Variants in LY96 observed in about 807,000 individuals in gnomAD.
LY96 encodes the protein myeloid differentiation protein-2.
LY96 carries 18 observed loss-of-function variants against 18.9 expected under a neutral mutation model. The observed-to-expected ratio is 0.95, with a 90% CI of 0.66 to 1.41. The LOEUF is 1.41. Among genes scored for constraint, LY96 ranks in the 40% most tolerant of loss-of-function variants. The pLI, the probability that LY96 is intolerant of heterozygous loss-of-function variation, is 0.00. For missense variants in LY96, 175 were observed against 182.4 expected (o/e 0.96, Z 0.23); for synonymous variants, 66 against 62.6 (o/e 1.06, Z -0.26).
At chr8:74,000,699 T>A (rs1816243861) in intron 1 of LY96, among the ~76,000 whole-genome samples, 1 of 152,182 alleles carries the variant, frequency 6.6e-6, no homozygotes, top group African/African-American at 2.4e-5. Context: ...CAATTTTCTA[T>A]CTTCATCTGT....
the LY96 span, among the ~76,000 whole-genome samples, chr8:74,094,263 G>T: frequency 6.6e-6 from 1 of 152,016 alleles, no homozygotes; most frequent in African/African-American, 2.4e-5. Flanking sequence ...GTATGTGTGT[G>T]TGTGTGTGTG....
chr8:74,013,511 C>A (rs569383365), intron 3 of LY96, among the ~76,000 whole-genome samples: 16 of 152,070 alleles, frequency 1.1e-4, no homozygotes, highest in African/African-American at 3.9e-4. Flanking sequence ...TGGTGTTGAA[C>A]TCCTGGGCTC....
At chr8:74,042,645 T>C in the LY96 span, among the ~76,000 whole-genome samples, 46,822 of 152,094 alleles carry the variant, frequency 0.31, 9,330 homozygotes, top group African/African-American at 0.57. Context: ...GCTGGAATCT[T>C]GTAGAGGCAG....
rs1394816932 is a variant in LY96, at chr8:73,996,369, ATTCC to A, written c.112+4818_112+4821del. ...CCTTCCTTCCTTCCTTCCTTCCTTC[ATTCC>A]TTTCTTTCTTTCTTTCTTTCTTTCT... On this transcript the variant is annotated intron_variant, in intron 1 of 4. Coordinates refer to ENST00000284818, the MANE Select transcript of LY96 (RefSeq NM_015364.5). Among the ~76,000 whole-genome samples the A allele has an allele frequency of 6.2e-3, 331 of 53,710 alleles. 4 individuals are homozygous for A. Among genetic ancestry groups the A allele is most frequent in the South Asian group, 0.012 (16 of 1,390 alleles). The allele number at this position is 53,710 out of a possible 152,430, so 35.2% of individuals were successfully genotyped here. A position where few individuals can be genotyped will look rare whatever the true frequency, so the allele number is the denominator to read the frequency against.
chr8:74,081,087 C>CTCTTTCTCTCTTTCTTTCTTTCTT, the LY96 span, among the ~76,000 whole-genome samples: 2 of 92,954 alleles, frequency 2.2e-5, no homozygotes, highest in African/African-American at 1.0e-4. Context: ...TTCTCTTTCT[C>CTCTTTCTCTCTTTCTTTCTTTCTT]TCTTTCTTTC....
At chr8:74,056,447 G>A in the LY96 span, 2 of 194,412 alleles carry the variant, frequency 1.0e-5, no homozygotes. Context: ...GAAAGACATA[G>A]AAAGCCTTGC....
intron 2 of LY96, among the ~76,000 whole-genome samples, chr8:74,007,416 TC>T (rs1195312544): frequency 7.2e-5 from 11 of 152,226 alleles, no homozygotes; most frequent in African/African-American, 2.4e-4. Context: ...AAATAATTAT[TC>T]AGTCATATTT....
the LY96 span, among the ~76,000 whole-genome samples, chr8:74,069,704 G>A: frequency 1.3e-5 from 2 of 152,134 alleles, no homozygotes; most frequent in Middle Eastern, 3.2e-3. Context: ...CTGGATTCAA[G>A]CGATTCTCCC....
the LY96 span, among the ~76,000 whole-genome samples, chr8:74,038,106 T>C: frequency 6.6e-6 from 1 of 152,176 alleles, no homozygotes; most frequent in East Asian, 1.9e-4. Context: ...ATACATAAGG[T>C]ATTTTGATAT....
At chr8:74,028,225 C>T (rs1816909236) in intron 4 of LY96, among the ~76,000 whole-genome samples, 1 of 152,182 alleles carries the variant, frequency 6.6e-6, no homozygotes, top group Admixed American at 6.5e-5. Context: ...GTGTGAGCCA[C>T]CACACCCAGC....
At chr8:74,002,050 C>CTTTCTTT (rs1563710722) in intron 1 of LY96, among the ~76,000 whole-genome samples, 5 of 29,202 alleles carry the variant, frequency 1.7e-4, no homozygotes, top group African/African-American at 2.3e-4. Flanking sequence ...TTCCTTCCTT[C>CTTTCTTT]CTTCCTTCCT....
the LY96 span, among the ~76,000 whole-genome samples, chr8:74,068,863 C>A: frequency 6.6e-6 from 1 of 151,776 alleles, no homozygotes; most frequent in Non-Finnish European, 1.5e-5. Context: ...GTGGCGCAAT[C>A]TCAGCTCACG....
chr8:74,058,466 A>G, the LY96 span, among the ~76,000 whole-genome samples: 1 of 151,792 alleles, frequency 6.6e-6, no homozygotes, highest in Non-Finnish European at 1.5e-5. Context: ...CTCCAGAGAA[A>G]CAGAAGCAAA....
intron 3 of LY96, among the ~76,000 whole-genome samples, chr8:74,018,923 A>G (rs567424318): frequency 6.6e-6 from 1 of 152,196 alleles, no homozygotes; most frequent in Non-Finnish European, 1.5e-5. Context: ...CATTTAAATC[A>G]GTGTGTAGAG....
chr8:74,054,629 T>C, the LY96 span, among the ~76,000 whole-genome samples: 3 of 115,756 alleles, frequency 2.6e-5, no homozygotes, highest in African/African-American at 1.0e-4. Context: ...TCTTTCTTTC[T>C]TTCTTTCTTT....
chr8:74,014,844 CACAT>C lies in LY96; in HGVS notation c.331+4717_331+4720del, dbSNP rs1041025114. ...ACACACACACACACACACACACACA[CACAT>C]ATATCTGTTTCTCTCAAAAACACAT... On this transcript the variant is annotated intron_variant, in intron 3 of 4. Transcript: ENST00000284818. Among the ~76,000 whole-genome samples the C allele has an allele frequency of 1.3e-3, 190 of 151,530 alleles. 3 individuals carry two copies. Among genetic ancestry groups the C allele is most frequent in the African/African-American group, 7.5e-4 (31 of 41,212 alleles).
At chr8:74,012,770 G>A (rs539168487) in intron 3 of LY96, among the ~76,000 whole-genome samples, 1 of 152,038 alleles carries the variant, frequency 6.6e-6, no homozygotes, top group African/African-American at 2.4e-5. Context: ...TTATAGGTAT[G>A]AGCCATTGCC....
the LY96 span, among the ~76,000 whole-genome samples, chr8:74,093,911 A>G: frequency 1.0e-3 from 157 of 152,270 alleles, 1 homozygote; most frequent in Admixed American, 9.5e-3. Context: ...GATTCTAATT[A>G]TTTCTGCTCT....
intron 3 of LY96, among the ~76,000 whole-genome samples, chr8:74,025,182 G>T (rs1397816622): frequency 6.6e-6 from 1 of 152,154 alleles, no homozygotes; most frequent in Non-Finnish European, 1.5e-5. Flanking sequence ...TTGAGAGAAG[G>T]GACAGAGTTG....
Sources: allele counts gnomAD v4.1 joint callset (sites outside exome capture counted in the v4.1 genomes callset), GRCh38; gene constraint gnomAD v4.1.1; transcripts MANE v1.5; gene names NCBI Gene and HGNC (gene_info 2026-07-23, HGNC 2026-07-21).